Variants in PRKX observed in about 807,000 individuals in gnomAD.
PRKX encodes the protein cAMP-dependent protein kinase catalytic subunit PRKX.
PRKX carries 12 observed loss-of-function variants against 22.0 expected under a neutral mutation model. That is an observed-to-expected ratio of 0.54 (90% CI 0.35 to 0.88). The LOEUF is 0.88. PRKX is among the 40% of genes least tolerant of loss of function. PRKX has a pLI of 0.01. For missense variants in PRKX, 217 were observed against 308.0 expected (o/e 0.70, Z 2.21); for synonymous variants, 134 against 137.7 (o/e 0.97, Z 0.19).
intron 2 of PRKX, among the ~76,000 whole-genome samples, chrX:3,656,987 G>A (rs746277943): frequency 1.3e-4 from 15 of 111,624 alleles, no homozygotes; most frequent in African/African-American, 1.6e-4. Context: ...CCCCTTCACC[G>A]AGGGCACTGG....
chrX:3,657,495 A>G, intron 2 of PRKX, among the ~76,000 whole-genome samples: 1 of 111,989 alleles, frequency 8.9e-6, no homozygotes. Flanking sequence ...AGCCTCAAAA[A>G]TTATAAAACA....
chrX:3,641,477 G>A (rs1290105412), intron 4 of PRKX: 6 of 169,325 alleles, frequency 3.5e-5, no homozygotes, highest in Non-Finnish European at 6.6e-5. Flanking sequence ...GATAAGGGGG[G>A]AAAAGAGTAG....
intron 1 of PRKX, among the ~76,000 whole-genome samples, chrX:3,677,305 A>G (rs1927979968): frequency 3.0e-5 from 3 of 101,443 alleles, no homozygotes; most frequent in South Asian, 9.6e-4. Flanking sequence ...CTTAGAGGGT[A>G]GATCACATTA....
At position 3,713,244 on chromosome X, in the gene PRKX, G is replaced by A. The variant is rs911397009; in HGVS notation, c.10C>T (p.Pro4Ser). 7.4e-5 allele frequency: 77 copies of A among 1,046,794 alleles called. No homozygotes were observed. Among genetic ancestry groups the A allele is most frequent in the Non-Finnish European group, 8.5e-5 (70 of 825,973 alleles). The allele number at this position is 1,046,794 out of a possible 1,213,427, so 86.3% of individuals were successfully genotyped here. Residue 4 changes from proline to serine, a missense_variant, in exon 1 of 9, where the codon CCC (proline) becomes TCC (serine). Physicochemically the swap from Pro to Ser is moderately conservative, Grantham distance 74. Transcript: ENST00000262848. ...GCCGCGGCCGCCTGGGCCAGCCCGGGCGCCTCCATGGGGACGCACTCAGGT... is the reference window on the plus strand; with the variant it reads ...GCCGCGGCCGCCTGGGCCAGCCCGGACGCCTCCATGGGGACGCACTCAGGT... MEA[P>S]GLAQAAAAES... is the part of the protein sequence containing the mutation.
rs1038188558 is a variant in PRKX at position 3,713,642 on chromosome X, A to G, written c.-389T>C. 5 of 115,537 alleles carry G rather than the reference A, an allele frequency of 4.3e-5. No homozygotes were observed. Among genetic ancestry groups the G allele is most frequent in the Admixed American group, 2.8e-4 (3 of 10,829 alleles). The allele number at this position is 115,537 out of a possible 1,213,427, so 9.5% of individuals were successfully genotyped here. A position where few individuals can be genotyped will look rare whatever the true frequency, so the allele number is the denominator to read the frequency against. On this transcript the variant is annotated 5_prime_UTR_variant, in exon 1 of 9. Transcript: ENST00000262848. ...CGTGCGCGCTGTTGGGGCGGGCGGA[A>G]GCCGCCTGGGCGTGACCGCGCCTCT...
chrX:3,633,268 A>AC (rs1345965360), intron 4 of PRKX, among the ~76,000 whole-genome samples: 57 of 107,977 alleles, frequency 5.3e-4, no homozygotes, highest in African/African-American at 1.7e-3. Context: ...AAAAAAAAAA[A>AC]AACAAAAAAA....
chrX:3,676,940 A>G (rs1243208957), intron 1 of PRKX, among the ~76,000 whole-genome samples: 1 of 112,078 alleles, frequency 8.9e-6, no homozygotes, highest in Non-Finnish European at 1.9e-5. Flanking sequence ...TTCTGCCATG[A>G]CTGTCGGAAC....
chrX:3,658,238 G>A (rs1220457863), intron 2 of PRKX, among the ~76,000 whole-genome samples: 2 of 111,122 alleles, frequency 1.8e-5, no homozygotes, highest in Non-Finnish European at 3.8e-5. Flanking sequence ...CGATCCACCC[G>A]CCTCGGCCTC....
chrX:3,702,547 G>C (rs1482356743), intron 1 of PRKX, among the ~76,000 whole-genome samples: 1 of 105,445 alleles, frequency 9.5e-6, no homozygotes, highest in African/African-American at 3.5e-5. Context: ...GCAAGGATCT[G>C]TGTGGACTTG....
rs138505508 is a variant in PRKX at position 3,653,151 on chromosome X, T to C, written c.599+1998A>G. On this transcript the variant is annotated intron_variant, in intron 3 of 8. Transcript: ENST00000262848. ...GTTGAAATCATCATCCCCAAAGTGA[T>C]AGGATTAGGAGGTGGGGCCTTTGGG... 4.0e-3 allele frequency among the ~76,000 whole-genome samples: 447 copies of C among 111,271 alleles called. 4 individuals carry two copies. The highest frequency in any genetic ancestry group is 0.014 in the African/African-American group (428 of 30,617).
At chrX:3,695,051 A>C (rs1928417868) in intron 1 of PRKX, among the ~76,000 whole-genome samples, 1 of 111,622 alleles carries the variant, frequency 9.0e-6, no homozygotes, top group African/African-American at 3.3e-5. Context: ...CACTCATATA[A>C]GAGTGTTGCT....
At chrX:3,620,493 C>T (rs779456607) in intron 6 of PRKX, among the ~76,000 whole-genome samples, 1 of 112,250 alleles carries the variant, frequency 8.9e-6, no homozygotes, top group South Asian at 3.7e-4. Flanking sequence ...CAAAATGGGC[C>T]GCACACCAGG....
At chrX:3,657,511 T>C (rs761837857) in intron 2 of PRKX, among the ~76,000 whole-genome samples, 13 of 111,936 alleles carry the variant, frequency 1.2e-4, no homozygotes, top group Non-Finnish European at 2.3e-4. Context: ...AAACAATAAA[T>C]CAGTGTTGTT....
chrX:3,663,659 A>G (rs1386251787), intron 2 of PRKX, among the ~76,000 whole-genome samples: 1 of 107,582 alleles, frequency 9.3e-6, no homozygotes, highest in Non-Finnish European at 1.9e-5. Context: ...AAAAGTTAAA[A>G]GGGCAGGACT....
At position 3,635,160 on chromosome X, in the gene PRKX, G is replaced by A. The variant is rs530056096; in HGVS notation, c.719+6692C>T. ...TACTTTAATTTCAAATGTAGTCAGCGCGGACAGCTGTAACACACAGAAATG... is the reference window on the plus strand; with the variant it reads ...TACTTTAATTTCAAATGTAGTCAGCACGGACAGCTGTAACACACAGAAATG... On this transcript the variant is annotated intron_variant, in intron 4 of 8. Transcript: ENST00000262848. Among the ~76,000 whole-genome samples the A allele has an allele frequency of 5.0e-4, 56 of 111,744 alleles. No individual in the cohort carries two copies. In the South Asian group the frequency reaches 7.1e-3, roughly 14 times the overall value.
At chrX:3,629,029 G>A (rs1330717422) in intron 4 of PRKX, among the ~76,000 whole-genome samples, 2 of 111,932 alleles carry the variant, frequency 1.8e-5, no homozygotes, top group Non-Finnish European at 3.8e-5. Context: ...GACAGAGAGA[G>A]ATGGAGTACA....
chrX:3,632,640 G>A (rs1423454097), intron 4 of PRKX, among the ~76,000 whole-genome samples: 1 of 111,655 alleles, frequency 9.0e-6, no homozygotes, highest in Non-Finnish European at 1.9e-5. Flanking sequence ...AATAATAAGT[G>A]AGCACTAACT....
intron 4 of PRKX, among the ~76,000 whole-genome samples, chrX:3,630,452 C>T (rs1451464763): frequency 9.0e-6 from 1 of 111,398 alleles, no homozygotes; most frequent in Non-Finnish European, 1.9e-5. Flanking sequence ...CCCAGCCACT[C>T]AGGAGGCTGA....
At chrX:3,640,045 T>C (rs1927039720) in intron 4 of PRKX, among the ~76,000 whole-genome samples, 1 of 110,940 alleles carries the variant, frequency 9.0e-6, no homozygotes, top group Non-Finnish European at 1.9e-5. Flanking sequence ...AAGGGAAGGT[T>C]CCCCAGTAAA....
Sources: allele counts gnomAD v4.1 joint callset (sites outside exome capture counted in the v4.1 genomes callset), GRCh38; gene constraint gnomAD v4.1.1; transcripts MANE v1.5; gene names NCBI Gene and HGNC (gene_info 2026-07-23, HGNC 2026-07-21).